MACROD2: variants seen among roughly 807,000 people sequenced by gnomAD.
The protein encoded by MACROD2 is ADP-ribose glycohydrolase MACROD2.
A neutral mutation model predicts 70.4 loss-of-function variants in MACROD2; 36 were observed. The ratio of observed to expected loss-of-function variants is 0.51; its 90% CI spans 0.39 to 0.68. MACROD2 has a LOEUF of 0.68. Among genes scored for constraint, MACROD2 ranks in the 30% least tolerant of loss-of-function variants. MACROD2 has a pLI of 0.00. For missense variants in MACROD2, 496 were observed against 538.4 expected, an observed-to-expected ratio of 0.92 and a Z score of 0.78; for synonymous variants, 172 against 178.8, an observed-to-expected ratio of 0.96 and a Z score of 0.30.
At chr20:15,612,129 A>G (rs924889681) in intron 8 of MACROD2, among the ~76,000 whole-genome samples, 3 of 152,010 alleles carry the variant, frequency 2.0e-5, no homozygotes, top group African/African-American at 4.8e-5. Flanking sequence ...TTGCTACCTT[A>G]GTAAATAAAA....
chr20:15,782,237 C>A (rs532671865), intron 8 of MACROD2, among the ~76,000 whole-genome samples: 1 of 152,220 alleles, frequency 6.6e-6, no homozygotes, highest in African/African-American at 2.4e-5. Flanking sequence ...GCATAGATTA[C>A]CTACATAAGA....
chr20:15,655,389 A>AC (rs1189993066), intron 8 of MACROD2, among the ~76,000 whole-genome samples: 4 of 149,318 alleles, frequency 2.7e-5, no homozygotes, highest in Non-Finnish European at 4.4e-5. Context: ...GTGTGTCAGG[A>AC]CACTTGGCAA....
intron 6 of MACROD2, among the ~76,000 whole-genome samples, chr20:15,370,240 A>C (rs866130429): frequency 6.6e-6 from 1 of 152,098 alleles, no homozygotes; most frequent in East Asian, 1.9e-4. Flanking sequence ...GTGAGTTCTT[A>C]TGGGATGTGT....
chr20:14,277,041 C>T (rs1452712648), intron 3 of MACROD2, among the ~76,000 whole-genome samples: 1 of 152,164 alleles, frequency 6.6e-6, no homozygotes, highest in African/African-American at 2.4e-5. Context: ...ATTGGCTGGG[C>T]TTGGTAGCTC....
chr20:14,171,269 T>C (rs1277282177), intron 3 of MACROD2, among the ~76,000 whole-genome samples: 1 of 152,218 alleles, frequency 6.6e-6, no homozygotes, highest in African/African-American at 2.4e-5. Context: ...ATTAAGTTTG[T>C]TAATTAATTT....
chr20:15,682,562 G>C (rs1182390110), intron 8 of MACROD2, among the ~76,000 whole-genome samples: 2 of 152,194 alleles, frequency 1.3e-5, no homozygotes, highest in Admixed American at 6.5e-5. Flanking sequence ...AAACTTGTGA[G>C]CTGACTAAAG....
rs1433838867 is a variant in MACROD2, at chr20:15,772,099, A to ATAT, written c.646-90646_646-90645insTAT. On this transcript the variant is annotated intron_variant, in intron 8 of 17. Coordinates refer to ENST00000684519, the MANE Select transcript of MACROD2 (RefSeq NM_001351661.2). The stretch of plus-strand genomic sequence containing the variant: ...GACTCGGTCTCAAAAAAAAAAAAAA[A>ATAT]AAATATATATATATATATATATATA... Among the ~76,000 whole-genome samples the ATAT allele has an allele frequency of 7.5e-3, 684 of 90,760 alleles. 2 individuals are homozygous for ATAT. The highest frequency in any genetic ancestry group is 0.026 in the South Asian group (59 of 2,252). The allele number at this position is 90,760 out of a possible 152,430, so 59.5% of individuals were successfully genotyped here.
At chr20:14,041,449 G>A (rs2053388556) in intron 2 of MACROD2, among the ~76,000 whole-genome samples, 2 of 152,034 alleles carry the variant, frequency 1.3e-5, no homozygotes, top group Non-Finnish European at 2.9e-5. Context: ...TAAATACTAA[G>A]AATTTTTCAA....
intron 8 of MACROD2, among the ~76,000 whole-genome samples, chr20:15,580,419 G>A (rs557709430): frequency 7.9e-5 from 12 of 152,136 alleles, no homozygotes; most frequent in East Asian, 7.8e-4. Context: ...TCTACATGCC[G>A]TAACTGTGGC....
chr20:14,859,225 T>C (rs1282735674), intron 5 of MACROD2, among the ~76,000 whole-genome samples: 12 of 151,956 alleles, frequency 7.9e-5, no homozygotes, highest in East Asian at 1.9e-4. Context: ...CCAAAAACTA[T>C]TGAAATTAAA....
At chr20:15,447,131 A>G (rs1273976571) in intron 7 of MACROD2, among the ~76,000 whole-genome samples, 3 of 151,614 alleles carry the variant, frequency 2.0e-5, no homozygotes, top group Non-Finnish European at 1.5e-5. Context: ...TCTTCTCCCT[A>G]CAGGCCTCAC....
At chr20:14,886,063 A>T (rs899009186) in intron 5 of MACROD2, among the ~76,000 whole-genome samples, 2 of 152,210 alleles carry the variant, frequency 1.3e-5, no homozygotes, top group African/African-American at 4.8e-5. Context: ...AGATAATGAT[A>T]ACAGCTGAGC....
At chr20:15,085,873 A>AAC (rs3070249) in intron 5 of MACROD2, among the ~76,000 whole-genome samples, 20,748 of 144,170 alleles carry the variant, frequency 0.14, 1,592 homozygotes, top group East Asian at 0.33. Context: ...ACACACACAC[A>AAC]ACACACACAC....
intron 13 of MACROD2, among the ~76,000 whole-genome samples, chr20:15,975,238 C>T (rs1210352182): frequency 1.3e-5 from 2 of 151,954 alleles, no homozygotes; most frequent in African/African-American, 2.4e-5. Flanking sequence ...GTTGAAAGTA[C>T]ACAAAATTAG....
intron 6 of MACROD2, among the ~76,000 whole-genome samples, chr20:15,336,721 C>T (rs761492126): frequency 1.3e-5 from 2 of 151,640 alleles, no homozygotes; most frequent in Non-Finnish European, 2.9e-5. Context: ...CAGTTGTCAG[C>T]GTGGCATCTT....
At chr20:15,917,532 T>TCAGAGTTGG (rs1214327974) in intron 10 of MACROD2, among the ~76,000 whole-genome samples, 1 of 152,234 alleles carries the variant, frequency 6.6e-6, no homozygotes, top group Non-Finnish European at 1.5e-5. Context: ...GGAATTTGTG[T>TCAGAGTTGG]CAGAGTTGGC....
rs539263321 is a variant in MACROD2 at position 15,520,911 on chromosome 20, T to A, written c.645+21064T>A. On this transcript the variant is annotated intron_variant, in intron 8 of 17. Coordinates refer to ENST00000684519, the MANE Select transcript of MACROD2 (RefSeq NM_001351661.2). ...AAACTTGCCATGGACTGCACATAGA[T>A]CTCACTAGAGTTCATGGCGGAGCTG... Among the ~76,000 whole-genome samples the A allele has an allele frequency of 3.9e-5, 6 of 152,346 alleles. No homozygotes were observed. The South Asian group carries it at 1.2e-3, about 32-fold the overall frequency.
intron 5 of MACROD2, among the ~76,000 whole-genome samples, chr20:14,800,801 G>T (rs1333772014): frequency 6.6e-6 from 1 of 150,810 alleles, no homozygotes; most frequent in Admixed American, 6.6e-5. Flanking sequence ...GAATTGTCTT[G>T]AATTGAAAAA....
At chr20:14,870,337 C>G (rs2073473842) in intron 5 of MACROD2, among the ~76,000 whole-genome samples, 1 of 152,104 alleles carries the variant, frequency 6.6e-6, no homozygotes, top group Non-Finnish European at 1.5e-5. Context: ...ATTATCCAGT[C>G]TATCATTGAT....
Sources: gnomAD v4.1 joint callset for allele counts (sites outside exome capture counted in the v4.1 genomes callset) on GRCh38, gnomAD v4.1.1 for gene constraint, MANE v1.5 for transcripts, NCBI Gene and HGNC (gene_info 2026-07-23, HGNC 2026-07-21) for gene names.